The following CNIH3 variants were observed in gnomAD, a reference collection of about 807,000 sequenced individuals.
CNIH3 encodes cornichon family AMPA receptor auxiliary protein 3.
A neutral mutation model predicts 24.1 loss-of-function variants in CNIH3; 14 were observed. The ratio of observed to expected loss-of-function variants is 0.58; its 90% confidence interval spans 0.38 to 0.91. The LOEUF is 0.91. Among genes scored for constraint, CNIH3 ranks in the 40% least tolerant of loss-of-function variants. CNIH3 has a pLI of 0.00. For synonymous variants in CNIH3, 68 were observed against 73.8 expected (o/e 0.92, Z 0.40); for missense variants, 178 against 196.8 (o/e 0.90, Z 0.57).
At chr1:224,581,631 C>T (rs190262610) in intron 4 of CNIH3, among the ~76,000 whole-genome samples, 182 of 152,260 alleles carry the variant, frequency 1.2e-3, no homozygotes, top group African/African-American at 4.2e-3. Flanking sequence ...CTTTTGAAAA[C>T]AGTGCTATTG....
chr1:224,620,549 C>CT (rs1436581356), intron 1 of CNIH3, among the ~76,000 whole-genome samples: 1 of 152,100 alleles, frequency 6.6e-6, no homozygotes, highest in Non-Finnish European at 1.5e-5. Flanking sequence ...GCTATATATC[C>CT]TTTTTTAAAA....
intron 1 of CNIH3, among the ~76,000 whole-genome samples, chr1:224,452,310 C>T (rs905809180): frequency 4.0e-5 from 6 of 151,734 alleles, no homozygotes; most frequent in East Asian, 2.0e-4. Flanking sequence ...CCACCATGCC[C>T]GGCTAATTTT....
Position 224,641,755 on chromosome 1 carries a change from C to CT in CNIH3, c.81+24506dup, listed in dbSNP as rs369591605. Among the ~76,000 whole-genome samples, 329 of 152,318 alleles carry CT rather than the reference C, an allele frequency of 2.2e-3. 4 individuals are homozygous for CT. The East Asian group carries it at 0.028, about 13-fold the overall frequency. ...GCGGCCTCTACCCACAACACACTTC[C>CT]TTTTTTCTTTGTCATGTTCTGATTC... On this transcript the variant is annotated intron_variant, in intron 1 of 5. Coordinates refer to ENST00000272133, the MANE Select transcript of CNIH3 (RefSeq NM_152495.2).
chr1:224,591,008 A>G (rs2125028138), downstream of CNIH3, among the ~76,000 whole-genome samples: 1 of 152,312 alleles, frequency 6.6e-6, no homozygotes, highest in African/African-American at 2.4e-5. Flanking sequence ...GAAAAGGTAG[A>G]TCTAAGCTTC....
intron 1 of CNIH3, among the ~76,000 whole-genome samples, chr1:224,646,838 A>G (rs1303457052): frequency 6.6e-6 from 1 of 152,210 alleles, no homozygotes; most frequent in African/African-American, 2.4e-5. Flanking sequence ...ACTATAGAGT[A>G]TGAGTGCTGG....
chr1:224,607,742 T>G (rs1171806689), intron 3 of CNIH3, among the ~76,000 whole-genome samples: 1 of 151,504 alleles, frequency 6.6e-6, no homozygotes, highest in Non-Finnish European at 1.5e-5. Context: ...CTACAAGGAG[T>G]TTCCTCCTGA....
chr1:224,632,311 A>G (rs1447110257), intron 1 of CNIH3, among the ~76,000 whole-genome samples: 2 of 152,158 alleles, frequency 1.3e-5, no homozygotes, highest in Non-Finnish European at 2.9e-5. Context: ...ACCAGGGTGG[A>G]AGAGAACACA....
chr1:224,670,242 T>C (rs1242128669), intron 1 of CNIH3, among the ~76,000 whole-genome samples: 1 of 151,824 alleles, frequency 6.6e-6, no homozygotes, highest in Non-Finnish European at 1.5e-5. Context: ...TTTGTGATGG[T>C]GTGAGGAAGG....
intron 3 of CNIH3, among the ~76,000 whole-genome samples, chr1:224,556,719 G>A (rs1389448732): frequency 6.6e-6 from 1 of 152,146 alleles, no homozygotes; most frequent in Non-Finnish European, 1.5e-5. Context: ...GATCTGACAG[G>A]AGGCAGAGCT....
At chr1:224,649,267 T>G (rs1411623773) in intron 1 of CNIH3, among the ~76,000 whole-genome samples, 3 of 152,090 alleles carry the variant, frequency 2.0e-5, no homozygotes, top group African/African-American at 7.2e-5. Flanking sequence ...GAGGAAGAGA[T>G]GTGACATCAG....
chr1:224,480,017 C>A (rs1676744765), intron 1 of CNIH3, among the ~76,000 whole-genome samples: 1 of 152,178 alleles, frequency 6.6e-6, no homozygotes, highest in African/African-American at 2.4e-5. Flanking sequence ...AACAGTGGTT[C>A]TCTATGAGGG....
chr1:224,576,218 A>C (rs750074835), intron 4 of CNIH3, among the ~76,000 whole-genome samples: 46 of 152,238 alleles, frequency 3.0e-4, no homozygotes, highest in Non-Finnish European at 3.4e-4. Context: ...GTATATTTTA[A>C]AGTGTGGCTT....
At chr1:224,569,829 G>T (rs1440641186) in intron 4 of CNIH3, among the ~76,000 whole-genome samples, 1 of 151,992 alleles carries the variant, frequency 6.6e-6, no homozygotes, top group Non-Finnish European at 1.5e-5. Context: ...TGTTGCCCAG[G>T]CTGGAGTGCA....
rs561799984 is a variant in CNIH3, at chr1:224,608,504, G to A, written n.402+42240G>A. 9.6e-3 allele frequency among the ~76,000 whole-genome samples: 1,462 copies of A among 152,288 alleles called. 10 individuals carry two copies. The highest frequency in any genetic ancestry group is 0.016 in the Non-Finnish European group (1,075 of 68,012). Reference sequence around the variant, plus strand: ...GCAAGCAGGGGGTGCGTGACTGGGGGATGCATGCACTGGTAATCAGAACGG... The same window carrying A: ...GCAAGCAGGGGGTGCGTGACTGGGGAATGCATGCACTGGTAATCAGAACGG... On this transcript the variant is annotated intron_variant and non_coding_transcript_variant, in intron 3 of 7. Transcript: ENST00000478120.
chr1:224,566,618 G>A (rs1218912423), intron 4 of CNIH3, among the ~76,000 whole-genome samples: 2 of 152,108 alleles, frequency 1.3e-5, no homozygotes, highest in Non-Finnish European at 2.9e-5. Flanking sequence ...AACATGTGGT[G>A]TTTGGTTTTC....
At chr1:224,587,027 C>G (rs889323143) in intron 5 of CNIH3, 1 of 152,164 alleles carries the variant, frequency 6.6e-6, no homozygotes. Context: ...TTGGAGCCAC[C>G]CAGTTAGTGG....
At chr1:224,467,979 T>A (rs193132271) in intron 1 of CNIH3, among the ~76,000 whole-genome samples, 1 of 152,120 alleles carries the variant, frequency 6.6e-6, no homozygotes, top group African/African-American at 2.4e-5. Context: ...TGTACCTTTT[T>A]TCTTTAAAAA....
chr1:224,687,855 G>A lies in CNIH3; in HGVS notation c.198+3012G>A, dbSNP rs180864437. On this transcript the variant is annotated intron_variant, in intron 3 of 5. Coordinates refer to ENST00000272133, the MANE Select transcript of CNIH3 (RefSeq NM_152495.2). Reference sequence around the variant, plus strand: ...GAAGTTTTGGGCTGGGATTTTAGAGGGAATTTTGGCTGAAGAACTGGGGGT... The same window carrying A: ...GAAGTTTTGGGCTGGGATTTTAGAGAGAATTTTGGCTGAAGAACTGGGGGT... 6.6e-3 allele frequency among the ~76,000 whole-genome samples: 1,012 copies of A among 152,300 alleles called. 2 individuals carry two copies. Among genetic ancestry groups the A allele is most frequent in the Admixed American group, 0.011 (168 of 15,294 alleles).
chr1:224,617,388 G>A lies in CNIH3; in HGVS notation c.81+133G>A, dbSNP rs1223600413. On this transcript the variant is annotated intron_variant, in intron 1 of 5. Coordinates refer to ENST00000272133, the MANE Select transcript of CNIH3 (RefSeq NM_152495.2). ...ACCTTCTGCCGCTCCACTGTCCCGG[G>A]GCAGGAGGCAGTTCGCTGCATCCCG... 5 of 991,152 alleles carry A rather than the reference G, an allele frequency of 5.0e-6. No individual in the cohort carries two copies. In the African/African-American group the frequency reaches 6.5e-5, roughly 13 times the overall value. 61.4% of individuals were successfully genotyped at this position (991,152 alleles called of 1,614,324 possible).
Sources: gnomAD v4.1 joint callset for allele counts (sites outside exome capture counted in the v4.1 genomes callset) on GRCh38, gnomAD v4.1.1 for gene constraint, MANE v1.5 for transcripts, NCBI Gene and HGNC (gene_info 2026-07-23, HGNC 2026-07-21) for gene names.